TNKS: variants seen among roughly 807,000 people sequenced by gnomAD.
TNKS encodes the protein poly [ADP-ribose] polymerase tankyrase-1.
TNKS carries 72 observed loss-of-function variants against 135.8 expected under a neutral mutation model. The ratio of observed to expected loss-of-function variants is 0.53; its 90% CI spans 0.44 to 0.64. The LOEUF (loss-of-function observed/expected upper bound fraction) is 0.64, where lower values mean the gene tolerates loss of function less well. TNKS is among the 30% of genes least tolerant of loss of function. TNKS has a pLI of 0.00. For missense variants in TNKS, 1,769 were observed against 1,674.0 expected, an observed-to-expected ratio of 1.06 and a Z score of -0.99; for synonymous variants, 849 against 649.3, an observed-to-expected ratio of 1.31 and a Z score of -4.68.
In TNKS at chr8:9,707,010, A is replaced by G. The variant is rs761333506; in HGVS notation, c.1456+13A>G. ...GAGAGATTGACTTGTACGTATTTAT[A>G]TCCCGAAATCATTATCGCATAAATT... On this transcript the variant is annotated intron_variant, in intron 8 of 26. Coordinates refer to ENST00000310430, the MANE Select transcript of TNKS (RefSeq NM_003747.3). 35 of 1,546,824 alleles carry G rather than the reference A, an allele frequency of 2.3e-5. No homozygotes were observed. The highest frequency in any genetic ancestry group is 2.9e-5 in the Non-Finnish European group (33 of 1,146,760).
In TNKS at chr8:9,782,101, G is replaced by A. The variant is rs1346951503; in HGVS notation, c.*5365G>A. 1 of 152,340 alleles carries A rather than the reference G, an allele frequency of 6.6e-6. No individual in the cohort carries two copies. The highest frequency in any genetic ancestry group is 1.5e-5 in the Non-Finnish European group (1 of 68,016). 9.4% of individuals were successfully genotyped at this position (152,340 alleles called of 1,614,324 possible). On this transcript the variant is annotated 3_prime_UTR_variant, in exon 27 of 27. Transcript: ENST00000310430. The stretch of plus-strand genomic sequence containing the variant: ...CTGGCAATCCTACAGCTGTGGTCAT[G>A]GGAAATCACCTACAGCATGTTAAAG...
intron 2 of TNKS, among the ~76,000 whole-genome samples, chr8:9,610,420 T>C (rs1288041136): frequency 6.6e-6 from 1 of 151,806 alleles, no homozygotes. Context: ...ACCATTTTAA[T>C]ATACATGTTT....
At chr8:9,687,066 G>C (rs944093979) in intron 5 of TNKS, among the ~76,000 whole-genome samples, 1 of 152,112 alleles carries the variant, frequency 6.6e-6, no homozygotes, top group Non-Finnish European at 1.5e-5. Flanking sequence ...AGTTTATGTA[G>C]AGCCCTTTTC....
chr8:9,627,192 T>C (rs1036465433), intron 3 of TNKS, among the ~76,000 whole-genome samples: 22 of 152,216 alleles, frequency 1.4e-4, no homozygotes, highest in African/African-American at 5.3e-4. Context: ...GCTCCAGGGA[T>C]GGCATGGAAG....
In TNKS at chr8:9,740,643, C is replaced by A. The variant is rs114967461; in HGVS notation, c.2643+5157C>A. ...TGTTAGTACTGAAATCCTCTTGAAA[C>A]TACAGTATTTAAAGTTACCTTTCTA... On this transcript the variant is annotated intron_variant, in intron 17 of 26. Coordinates refer to ENST00000310430, the MANE Select transcript of TNKS (RefSeq NM_003747.3). 3.1e-3 allele frequency among the ~76,000 whole-genome samples: 468 copies of A among 152,178 alleles called. 4 individuals carry two copies. Among genetic ancestry groups the A allele is most frequent in the African/African-American group, 0.011 (442 of 41,514 alleles).
At chr8:9,701,758 C>G (rs2128806231) in intron 5 of TNKS, among the ~76,000 whole-genome samples, 2 of 152,278 alleles carry the variant, frequency 1.3e-5, no homozygotes, top group East Asian at 3.9e-4. Context: ...ACCTGATGGT[C>G]TCCCTGAGTT....
At chr8:9,764,072 A>G (rs747398179) in intron 22 of TNKS, among the ~76,000 whole-genome samples, 1 of 152,134 alleles carries the variant, frequency 6.6e-6, no homozygotes, top group Non-Finnish European at 1.5e-5. Flanking sequence ...TTTGATAACA[A>G]TGTCAAAAAT....
chr8:9,683,577 T>A (rs1802869574), intron 5 of TNKS, among the ~76,000 whole-genome samples: 1 of 151,958 alleles, frequency 6.6e-6, no homozygotes, highest in African/African-American at 2.4e-5. Context: ...AAAAAGCCCA[T>A]GAAAATGTTA....
intron 3 of TNKS, among the ~76,000 whole-genome samples, chr8:9,619,813 A>T (rs1417610186): frequency 2.0e-5 from 3 of 148,840 alleles, no homozygotes. Flanking sequence ...TTTCCTGCTA[A>T]CTGCCTCCTG....
chr8:9,758,902 A>G (rs1425852935), intron 20 of TNKS, among the ~76,000 whole-genome samples: 1 of 152,222 alleles, frequency 6.6e-6, no homozygotes, highest in Non-Finnish European at 1.5e-5. Context: ...TCACAAGGCT[A>G]CAGAGCATTA....
intron 1 of TNKS, among the ~76,000 whole-genome samples, chr8:9,578,688 T>C (rs1798050065): frequency 1.3e-5 from 2 of 152,330 alleles, no homozygotes; most frequent in Non-Finnish European, 2.9e-5. Flanking sequence ...GTTTAACATA[T>C]GCCCAAAATA....
chr8:9,760,451 G>T (rs34774537), intron 20 of TNKS, among the ~76,000 whole-genome samples: 14,978 of 152,196 alleles, frequency 0.098, 1,146 homozygotes, highest in Admixed American at 0.22. Context: ...GGCCTAATTT[G>T]TCAGTTTTTT....
At chr8:9,648,097 T>G (rs1800984493) in intron 3 of TNKS, among the ~76,000 whole-genome samples, 1 of 152,192 alleles carries the variant, frequency 6.6e-6, no homozygotes, top group African/African-American at 2.4e-5. Context: ...GGACTGGAAG[T>G]TGACTCACTG....
chr8:9,700,130 C>T (rs946692030), intron 5 of TNKS, among the ~76,000 whole-genome samples: 2 of 152,142 alleles, frequency 1.3e-5, no homozygotes, highest in Admixed American at 1.3e-4. Context: ...CTCCAGCCTT[C>T]CCGGGTGTCC....
At chr8:9,630,049 T>C (rs1472355945) in intron 3 of TNKS, among the ~76,000 whole-genome samples, 10 of 152,172 alleles carry the variant, frequency 6.6e-5, no homozygotes, top group Non-Finnish European at 1.5e-5. Context: ...CTTCCTGACC[T>C]CTCAAATGGG....
chr8:9,770,302 C>T, intron 26 of TNKS, 40 bp downstream of exon 26: 1 of 1,581,468 alleles, frequency 6.3e-7, no homozygotes, highest in South Asian at 1.1e-5. Context: ...AGTTCACAAA[C>T]ATGTCAATAG....
chr8:9,576,523 T>G (rs1289468999), intron 1 of TNKS, among the ~76,000 whole-genome samples: 1 of 145,540 alleles, frequency 6.9e-6, no homozygotes, highest in East Asian at 2.0e-4. Flanking sequence ...CAGGCTGGAG[T>G]GCAGTGGGGC....
At chr8:9,562,063 C>T (rs1344366572) in intron 1 of TNKS, among the ~76,000 whole-genome samples, 3 of 152,072 alleles carry the variant, frequency 2.0e-5, no homozygotes, top group Non-Finnish European at 2.9e-5. Flanking sequence ...GTGTTCCATC[C>T]ACCTCAGTCT....
At chr8:9,702,502 G>C (rs1347486867) in intron 5 of TNKS, among the ~76,000 whole-genome samples, 1 of 152,182 alleles carries the variant, frequency 6.6e-6, no homozygotes, top group Non-Finnish European at 1.5e-5. Context: ...ACAGAGGACA[G>C]TGGTATAACA....
Sources: gnomAD v4.1 joint callset for allele counts (sites outside exome capture counted in the v4.1 genomes callset) on GRCh38, gnomAD v4.1.1 for gene constraint, MANE v1.5 for transcripts, NCBI Gene and HGNC (gene_info 2026-07-23, HGNC 2026-07-21) for gene names.